Variants in RIMS2 observed in about 807,000 individuals in gnomAD.
RIMS2 encodes the protein regulating synaptic membrane exocytosis 2, also known as regulating synaptic membrane exocytosis protein 2.
Under a neutral mutation model 174.4 loss-of-function variants are expected in RIMS2, and 59 were observed. That is an observed-to-expected ratio of 0.34 (90% CI 0.27 to 0.42). The LOEUF (loss-of-function observed/expected upper bound fraction) is 0.42, where lower values mean the gene tolerates loss of function less well. Ranked by LOEUF, RIMS2 falls within the 10% of genes least tolerant of loss-of-function variation. The pLI, the probability that RIMS2 is intolerant of heterozygous loss-of-function variation, is 1.00. For missense variants in RIMS2, 1,620 were observed against 1,666.3 expected (o/e 0.97, Z 0.48); for synonymous variants, 606 against 572.5 (o/e 1.06, Z -0.84).
chr8:103,682,963 G>T (rs960953644), intron 1 of RIMS2, among the ~76,000 whole-genome samples: 18 of 152,098 alleles, frequency 1.2e-4, no homozygotes, highest in Non-Finnish European at 2.1e-4. Context: ...GGGATAAATA[G>T]TTACTAGCTC....
intron 19 of RIMS2, among the ~76,000 whole-genome samples, chr8:104,111,328 TG>T (rs1308342449): frequency 6.6e-6 from 1 of 152,240 alleles, no homozygotes; most frequent in Non-Finnish European, 1.5e-5. Flanking sequence ...GTCTGTCTGT[TG>T]TTTGGGGAAT....
chr8:104,131,578 G>A (rs1346451079), intron 19 of RIMS2, among the ~76,000 whole-genome samples: 1 of 152,040 alleles, frequency 6.6e-6, no homozygotes, highest in Non-Finnish European at 1.5e-5. Flanking sequence ...AATTGAGTTG[G>A]ATTTCTTTAC....
At chr8:104,036,058 G>A (rs1340642859) in intron 19 of RIMS2, among the ~76,000 whole-genome samples, 1 of 151,972 alleles carries the variant, frequency 6.6e-6, no homozygotes, top group Non-Finnish European at 1.5e-5. Context: ...AGTTTGTAAT[G>A]CCAAGCCTAT....
chr8:103,897,358 A>T (rs572809886), intron 4 of RIMS2, among the ~76,000 whole-genome samples: 1 of 151,774 alleles, frequency 6.6e-6, no homozygotes, highest in African/African-American at 2.4e-5. Context: ...GAGCTATCCC[A>T]TCAGTGAACC....
At chr8:104,084,959 T>G (rs995616130) in intron 19 of RIMS2, among the ~76,000 whole-genome samples, 1 of 152,184 alleles carries the variant, frequency 6.6e-6, no homozygotes, top group Non-Finnish European at 1.5e-5. Flanking sequence ...CATTATGGTA[T>G]ACTGCCTCTT....
Position 103,990,154 on chromosome 8 carries a change from C to T in RIMS2, c.3044+733C>T, listed in dbSNP as rs528764089. On this transcript the variant is annotated intron_variant, in intron 17 of 23. Transcript: ENST00000504942. Reference sequence around the variant, plus strand: ...ACTATTCAAAGATATGATAAAATAACGAAGGAACTCAGAAGTCCCTTTGTA... The same window carrying T: ...ACTATTCAAAGATATGATAAAATAATGAAGGAACTCAGAAGTCCCTTTGTA... 4.6e-5 allele frequency among the ~76,000 whole-genome samples: 7 copies of T among 152,104 alleles called. No individual in the cohort carries two copies. In the East Asian group the frequency reaches 7.7e-4, roughly 17 times the overall value.
intron 19 of RIMS2, among the ~76,000 whole-genome samples, chr8:104,197,457 G>A (rs1046945949): frequency 1.5e-4 from 23 of 152,270 alleles, no homozygotes; most frequent in Admixed American, 1.0e-3. Flanking sequence ...GATTATAGGC[G>A]TGAGCCACTG....
chr8:103,550,877 G>A (rs1040316577), intron 1 of RIMS2, among the ~76,000 whole-genome samples: 2 of 145,372 alleles, frequency 1.4e-5, no homozygotes, highest in Non-Finnish European at 3.1e-5. Flanking sequence ...TAAATTCCTC[G>A]ACACATACAA....
chr8:104,026,368 G>T (rs1405176499), intron 19 of RIMS2, among the ~76,000 whole-genome samples: 1 of 151,976 alleles, frequency 6.6e-6, no homozygotes, highest in East Asian at 1.9e-4. Context: ...AAATAGTTTT[G>T]TTTCCATTTT....
At chr8:103,766,297 A>G in exon 3 of RIMS2, 1 of 1,613,520 alleles carries the variant, frequency 6.2e-7, no homozygotes, top group Non-Finnish European at 8.5e-7. Flanking sequence ...TGGTTTTATA[A>G]TAGTGGATCT....
At chr8:104,197,208 T>C (rs1195647045) in intron 19 of RIMS2, among the ~76,000 whole-genome samples, 1 of 150,340 alleles carries the variant, frequency 6.7e-6, no homozygotes, top group Non-Finnish European at 1.5e-5. Flanking sequence ...GAAGTTTTGC[T>C]CTTGTTGCCC....
intron 17 of RIMS2, among the ~76,000 whole-genome samples, chr8:104,003,285 T>C (rs1408500195): frequency 2.0e-5 from 3 of 152,180 alleles, no homozygotes; most frequent in African/African-American, 7.2e-5. Flanking sequence ...TGTGACATTT[T>C]AAAGAAATGT....
intron 1 of RIMS2, among the ~76,000 whole-genome samples, chr8:103,675,452 C>T (rs1213907338): frequency 2.0e-5 from 3 of 152,170 alleles, no homozygotes; most frequent in Non-Finnish European, 2.9e-5. Context: ...CTTGACTCGG[C>T]CCTGCAGCTG....
At chr8:103,582,275 A>G (rs913970632) in intron 1 of RIMS2, among the ~76,000 whole-genome samples, 1 of 152,178 alleles carries the variant, frequency 6.6e-6, no homozygotes, top group Non-Finnish European at 1.5e-5. Flanking sequence ...CTGAATAACC[A>G]GCAGCAATAC....
intron 3 of RIMS2, among the ~76,000 whole-genome samples, chr8:103,793,316 A>T (rs1415842642): frequency 6.6e-6 from 1 of 152,134 alleles, no homozygotes; most frequent in Non-Finnish European, 1.5e-5. Context: ...TATAAACAGA[A>T]CCAAGACAAA....
chr8:104,190,268 C>T (rs555083679), intron 19 of RIMS2, among the ~76,000 whole-genome samples: 1 of 151,966 alleles, frequency 6.6e-6, no homozygotes, highest in South Asian at 2.1e-4. Flanking sequence ...TGCCATTGCA[C>T]CTCAGCCTGT....
At chr8:103,953,851 G>A (rs1309181027) in intron 14 of RIMS2, among the ~76,000 whole-genome samples, 7 of 151,974 alleles carry the variant, frequency 4.6e-5, no homozygotes, top group African/African-American at 1.7e-4. Flanking sequence ...CTGTATTCAG[G>A]AGACCCATCT....
intron 2 of RIMS2, among the ~76,000 whole-genome samples, chr8:103,704,318 G>A (rs2097199454): frequency 6.6e-6 from 1 of 151,646 alleles, no homozygotes; most frequent in African/African-American, 2.4e-5. Flanking sequence ...TGGGATGATT[G>A]TGGTGATTGA....
At chr8:104,022,429 G>T (rs2096124428) in intron 19 of RIMS2, among the ~76,000 whole-genome samples, 1 of 151,988 alleles carries the variant, frequency 6.6e-6, no homozygotes, top group Non-Finnish European at 1.5e-5. Context: ...CGCCCAGGCT[G>T]GAGTGCAGTG....
Sources: allele counts gnomAD v4.1 joint callset (sites outside exome capture counted in the v4.1 genomes callset), GRCh38; gene constraint gnomAD v4.1.1; transcripts MANE v1.5; gene names NCBI Gene and HGNC (gene_info 2026-07-23, HGNC 2026-07-21).